HHLA2: variants seen among roughly 807,000 people sequenced by gnomAD.
HHLA2 encodes the protein HERV-H LTR-associating protein 2.
HHLA2 carries 48 observed loss-of-function variants against 45.9 expected under a neutral mutation model. The ratio of observed to expected loss-of-function variants is 1.05; its 90% confidence interval spans 0.83 to 1.33. HHLA2 has a LOEUF of 1.33. Ranked by LOEUF, HHLA2 falls within the 40% of genes most tolerant of loss-of-function variation. The probability of loss-of-function intolerance (pLI) is 0.00; values close to 1 mark genes in which losing one functional copy is unlikely to be tolerated. For missense variants in HHLA2, 462 were observed against 494.3 expected, an observed-to-expected ratio of 0.93 and a Z score of 0.62; for synonymous variants, 161 against 173.9, an observed-to-expected ratio of 0.93 and a Z score of 0.59.
intron 1 of HHLA2, among the ~76,000 whole-genome samples, chr3:108,302,233 C>T (rs2080861979): frequency 6.6e-6 from 1 of 152,054 alleles, no homozygotes. Flanking sequence ...ATTTTCTGTT[C>T]TGTTGTAGTA....
chr3:108,317,722 G>A (rs535818582), intron 2 of HHLA2, among the ~76,000 whole-genome samples: 6 of 151,702 alleles, frequency 4.0e-5, no homozygotes, highest in African/African-American at 7.2e-5. Context: ...TCACAGGCAC[G>A]CACCACCACA....
intron 8 of HHLA2, among the ~76,000 whole-genome samples, chr3:108,372,151 T>A (rs1430475677): frequency 6.6e-6 from 1 of 152,146 alleles, no homozygotes. Flanking sequence ...GCAATCAAAC[T>A]AGAACTCAGG....
intron 3 of HHLA2, among the ~76,000 whole-genome samples, chr3:108,331,955 C>G (rs1560217811): frequency 1.3e-5 from 2 of 151,960 alleles, no homozygotes; most frequent in Non-Finnish European, 2.9e-5. Context: ...ATGACTGGTA[C>G]AAGCAAGATG....
chr3:108,375,801 G>C lies in HHLA2; in HGVS notation c.1159+1G>C. On this transcript the variant is annotated splice_donor_variant, in intron 9 of 10. Coordinates refer to ENST00000619531, the Ensembl canonical transcript of HHLA2. LOFTEE classifies it high-confidence loss of function. ...CACCCTGCTGATGGAGCCCAACAAG[G>C]TCAGCCTCCCATGTCTGAGAGAAGA... 2 of 1,610,192 alleles carry C rather than the reference G, an allele frequency of 1.2e-6. No homozygotes were observed. Among genetic ancestry groups the C allele is most frequent in the South Asian group, 2.2e-5 (2 of 90,798 alleles).
At chr3:108,368,119 G>A (rs2082097162) in intron 8 of HHLA2, among the ~76,000 whole-genome samples, 1 of 152,090 alleles carries the variant, frequency 6.6e-6, no homozygotes, top group South Asian at 2.1e-4. Flanking sequence ...AGCTTCATGA[G>A]TGAAGGAGAA....
chr3:108,377,459 A>C (rs1264221930), exon 11 of HHLA2: 15 of 588,370 alleles, frequency 2.5e-5, no homozygotes, highest in Non-Finnish European at 3.1e-6. Flanking sequence ...TTTTCAAGAC[A>C]TCATTCACTG....
intron 3 of HHLA2, among the ~76,000 whole-genome samples, chr3:108,348,957 G>A (rs1478781358): frequency 6.6e-6 from 1 of 152,088 alleles, no homozygotes; most frequent in African/African-American, 2.4e-5. Flanking sequence ...TCCCTGCAAA[G>A]GACATGAACT....
intron 2 of HHLA2, among the ~76,000 whole-genome samples, chr3:108,311,545 T>C (rs557401232): frequency 6.6e-6 from 1 of 152,242 alleles, no homozygotes; most frequent in East Asian, 1.9e-4. Flanking sequence ...TCAAAAATCC[T>C]CCAACTTTTC....
intron 3 of HHLA2, among the ~76,000 whole-genome samples, chr3:108,336,231 T>C (rs1416260196): frequency 6.6e-6 from 1 of 152,178 alleles, no homozygotes; most frequent in African/African-American, 2.4e-5. Flanking sequence ...CAATGGTCAC[T>C]AAAGACAGCA....
At position 108,322,298 on chromosome 3, in the gene HHLA2, C is replaced by T. The variant is rs368865288; in HGVS notation, c.-104-5972C>T. On this transcript the variant is annotated intron_variant, in intron 2 of 10. Coordinates refer to ENST00000619531, the Ensembl canonical transcript of HHLA2. ...TTGATAAATTAGTCTTAACCTCTAC[C>T]TTAACTCTAATCTGTGCCTGGACCA... Among the ~76,000 whole-genome samples the T allele has an allele frequency of 2.6e-5, 4 of 152,318 alleles. No individual in the cohort carries two copies. In the East Asian group the frequency reaches 5.8e-4, roughly 22 times the overall value.
At chr3:108,345,627 C>A (rs900280126) in intron 3 of HHLA2, among the ~76,000 whole-genome samples, 1 of 152,168 alleles carries the variant, frequency 6.6e-6, no homozygotes, top group African/African-American at 2.4e-5. Flanking sequence ...TCAACATGTC[C>A]TCTATTATGC....
intron 7 of HHLA2, among the ~76,000 whole-genome samples, chr3:108,361,256 T>C (rs114105363): frequency 0.023 from 3,464 of 152,240 alleles, 60 homozygotes; most frequent in South Asian, 0.057. Context: ...AAAGGAAAAT[T>C]CCAGAAATAA....
intron 3 of HHLA2, among the ~76,000 whole-genome samples, chr3:108,331,758 C>T (rs2081390253): frequency 1.3e-5 from 2 of 152,200 alleles, no homozygotes; most frequent in Non-Finnish European, 2.9e-5. Flanking sequence ...GATTGTATTA[C>T]ATCTGGCTAT....
At position 108,364,843 on chromosome 3, in the gene HHLA2, G is replaced by A. The variant is rs529381093; in HGVS notation, c.1108+2397G>A. Among the ~76,000 whole-genome samples, 285 of 152,248 alleles carry A rather than the reference G, an allele frequency of 1.9e-3. 1 individual carries two copies. Among genetic ancestry groups the A allele is most frequent in the African/African-American group, 6.0e-3 (251 of 41,558 alleles). On this transcript the variant is annotated intron_variant, in intron 8 of 10. Transcript: ENST00000619531. ...CCTTCACCCACTTTTTGATGGGGCT[G>A]TTTATTTTTTTCTTGTAAATTTGTT...
chr3:108,355,437 G>T, intron 6 of HHLA2, 56 bp downstream of exon 5: 1 of 1,544,552 alleles, frequency 6.5e-7, no homozygotes, highest in Non-Finnish European at 8.7e-7. Flanking sequence ...GGGGGGTAAT[G>T]GGGACTGATT....
intron 2 of HHLA2, among the ~76,000 whole-genome samples, chr3:108,317,378 C>G (rs1323308602): frequency 6.6e-6 from 1 of 152,088 alleles, no homozygotes. Context: ...TTAAAGATGG[C>G]TATGTAGGCT....
At chr3:108,371,987 C>G (rs1301878873) in intron 8 of HHLA2, among the ~76,000 whole-genome samples, 3 of 152,208 alleles carry the variant, frequency 2.0e-5, no homozygotes, top group African/African-American at 7.2e-5. Flanking sequence ...TAACAGACAT[C>G]TACAGAACTC....
In HHLA2 at chr3:108,366,858, T is replaced by C. The variant is rs150089930; in HGVS notation, c.1108+4412T>C. On this transcript the variant is annotated intron_variant, in intron 8 of 10. Coordinates refer to ENST00000619531, the Ensembl canonical transcript of HHLA2. ...TTATTGTGTCTGTTTGATTCTTCTT[T>C]CTTTTCTTCTTTATTAGTCTGGCTA... Among the ~76,000 whole-genome samples, 103 of 152,368 alleles carry C rather than the reference T, an allele frequency of 6.8e-4. 1 individual carries two copies. Among genetic ancestry groups the C allele is most frequent in the African/African-American group, 2.4e-3 (100 of 41,590 alleles).
exon 7 of HHLA2, chr3:108,358,075 A>T (rs369072494): frequency 9.9e-6 from 16 of 1,613,624 alleles, no homozygotes; most frequent in Non-Finnish European, 1.4e-5. Context: ...AATTTGATGG[A>T]TCTTAATCTT....
Sources: gnomAD v4.1 joint callset for allele counts (sites outside exome capture counted in the v4.1 genomes callset) on GRCh38, gnomAD v4.1.1 for gene constraint, MANE v1.5 for transcripts, NCBI Gene and HGNC (gene_info 2026-07-23, HGNC 2026-07-21) for gene names.